Variants in CDH18 observed in about 807,000 individuals in gnomAD.
The protein encoded by CDH18 is cadherin-18.
In CDH18, 31 loss-of-function variants were observed where a neutral mutation model predicts 67.9. The ratio of observed to expected loss-of-function variants is 0.46; its 90% confidence interval spans 0.34 to 0.62. The LOEUF (loss-of-function observed/expected upper bound fraction) is 0.62, where lower values mean the gene tolerates loss of function less well. Ranked by LOEUF, CDH18 falls within the 20% of genes least tolerant of loss-of-function variation. The pLI, the probability that CDH18 is intolerant of heterozygous loss-of-function variation, is 0.01. For synonymous variants in CDH18, 362 were observed against 347.2 expected, an observed-to-expected ratio of 1.04 and a Z score of -0.48; for missense variants, 890 against 975.5, an observed-to-expected ratio of 0.91 and a Z score of 1.17.
chr5:20,280,561 T>G (rs901195107), intron 1 of CDH18, among the ~76,000 whole-genome samples: 3 of 152,250 alleles, frequency 2.0e-5, no homozygotes, highest in African/African-American at 2.4e-5. Flanking sequence ...GGCTGCATAG[T>G]ATTCCATGGT....
In CDH18 at chr5:19,483,536, A is replaced by G. The variant is rs375149904; in HGVS notation, c.1647T>C (p.Ile549=). 9 of 1,611,976 alleles carry G rather than the reference A, an allele frequency of 5.6e-6. No individual in the cohort carries two copies. The African/African-American group carries it at 1.1e-4, about 19-fold the overall frequency. Residue 549 remains isoleucine, a synonymous_variant, in exon 12 of 13, where the codon ATT becomes ATC. Coordinates refer to ENST00000382275, the MANE Select transcript of CDH18 (RefSeq NM_004934.5). ...GACTAAATCTCCTCCGCCTTGTCAGAATGCTGGCTGTGTTATCTATGATAG... is the reference window on the plus strand; with the variant it reads ...GACTAAATCTCCTCCGCCTTGTCAGGATGCTGGCTGTGTTATCTATGATAG... ...LKDNEDNTAS[I]LTRRRRFSRT... is the part of the protein sequence containing the mutation.
intron 2 of CDH18, among the ~76,000 whole-genome samples, chr5:19,997,221 T>C (rs1340870819): frequency 6.6e-6 from 1 of 152,070 alleles, no homozygotes; most frequent in East Asian, 1.9e-4. Flanking sequence ...AAAAAGCAAG[T>C]ATCTCTCTAG....
chr5:20,319,525 A>G (rs1254136762), intron 1 of CDH18, among the ~76,000 whole-genome samples: 1 of 152,086 alleles, frequency 6.6e-6, no homozygotes, highest in Non-Finnish European at 1.5e-5. Context: ...ACGTTTTCAT[A>G]TTTTCCTGTG....
At chr5:19,558,770 A>T (rs993190172) in intron 8 of CDH18, among the ~76,000 whole-genome samples, 1 of 151,982 alleles carries the variant, frequency 6.6e-6, no homozygotes, top group Non-Finnish European at 1.5e-5. Context: ...AAGACAGAGA[A>T]GGAGAAAATC....
chr5:19,527,983 C>T (rs960049322), intron 9 of CDH18, among the ~76,000 whole-genome samples: 6 of 151,480 alleles, frequency 4.0e-5, no homozygotes, highest in Admixed American at 3.3e-4. Context: ...CACTTTGTTC[C>T]GTTAACCAGA....
intron 2 of CDH18, among the ~76,000 whole-genome samples, chr5:19,939,091 T>C (rs943066739): frequency 1.3e-5 from 2 of 151,280 alleles, no homozygotes; most frequent in African/African-American, 4.8e-5. Flanking sequence ...ATTTAGAGGA[T>C]AGAACTAATA....
rs1465744402 is a variant in CDH18 at position 20,214,175 on chromosome 5, C to T, written c.-518+41269G>A. Among the ~76,000 whole-genome samples the T allele has an allele frequency of 2.6e-5, 4 of 151,778 alleles. No individual in the cohort carries two copies. In the East Asian group the frequency reaches 7.7e-4, roughly 29 times the overall value. ...ACAAGGGGAACTACAAAACACTGCTCAATGAAATTAGAGATGATACAAATA... is the reference window on the plus strand; with the variant it reads ...ACAAGGGGAACTACAAAACACTGCTTAATGAAATTAGAGATGATACAAATA... On this transcript the variant is annotated intron_variant, in intron 2 of 14. Coordinates refer to the CDH18 transcript ENST00000507958.
At chr5:20,406,572 A>G (rs1486543212) in intron 1 of CDH18, among the ~76,000 whole-genome samples, 1 of 108,732 alleles carries the variant, frequency 9.2e-6, no homozygotes, top group Non-Finnish European at 2.2e-5. Context: ...AACTTAAAGT[A>G]TAATAAAAAA....
At chr5:19,478,043 A>G (rs776534712) in intron 12 of CDH18, among the ~76,000 whole-genome samples, 6 of 152,244 alleles carry the variant, frequency 3.9e-5, no homozygotes, top group Middle Eastern at 3.4e-3. Context: ...AATTAGAATA[A>G]ATTTGTGGAG....
chr5:20,188,305 A>G (rs897734931), intron 2 of CDH18, among the ~76,000 whole-genome samples: 4 of 152,000 alleles, frequency 2.6e-5, no homozygotes, highest in African/African-American at 9.7e-5. Flanking sequence ...TTCAAATCCA[A>G]TCAGCCAAAT....
In CDH18 at chr5:20,305,498, G is replaced by A. The variant is rs1466548205; in HGVS notation, c.-579-49993C>T. 28 of 1,146,186 alleles carry A rather than the reference G, an allele frequency of 2.4e-5. No homozygotes were observed. The Admixed American group carries it at 3.2e-4, about 13-fold the overall frequency. 71.0% of individuals were successfully genotyped at this position (1,146,186 alleles called of 1,614,324 possible). ...CCGCTGCACTCGCTGGGTCTTGGGT[G>A]CCGCGAAACCCGGGGCGCAGCGGCG... On this transcript the variant is annotated intron_variant, in intron 1 of 14. Coordinates refer to the CDH18 transcript ENST00000507958.
chr5:19,580,142 G>A (rs1246197844), intron 7 of CDH18, among the ~76,000 whole-genome samples: 2 of 151,764 alleles, frequency 1.3e-5, no homozygotes, highest in East Asian at 1.9e-4. Context: ...ATATTGTAAT[G>A]TTCAAAGTTT....
At chr5:19,883,856 T>C (rs1787919503) in intron 2 of CDH18, among the ~76,000 whole-genome samples, 1 of 152,180 alleles carries the variant, frequency 6.6e-6, no homozygotes, top group South Asian at 2.1e-4. Flanking sequence ...ATTAAAATAA[T>C]ACTTTTGCTT....
chr5:20,088,261 T>C (rs1745140205), intron 2 of CDH18, among the ~76,000 whole-genome samples: 1 of 152,192 alleles, frequency 6.6e-6, no homozygotes, highest in Non-Finnish European at 1.5e-5. Context: ...AACTATTCTC[T>C]AACATGCGTA....
At chr5:19,648,818 T>C (rs1240410042) in intron 5 of CDH18, among the ~76,000 whole-genome samples, 2 of 151,286 alleles carry the variant, frequency 1.3e-5, no homozygotes, top group Non-Finnish European at 3.0e-5. Context: ...CATTAAATTT[T>C]GTATATGGAG....
Position 19,747,293 on chromosome 5 carries a change from G to T in CDH18, c.229-57C>A, listed in dbSNP as rs142129851. 2,094 of 1,426,068 alleles carry T rather than the reference G, an allele frequency of 1.5e-3. 4 individuals are homozygous for T. The highest frequency in any genetic ancestry group is 6.0e-3 in the East Asian group (260 of 43,574). The allele number at this position is 1,426,068 out of a possible 1,614,324, so 88.3% of individuals were successfully genotyped here. A position where few individuals can be genotyped will look rare whatever the true frequency, so the allele number is the denominator to read the frequency against. On this transcript the variant is annotated intron_variant, in intron 3 of 12. Coordinates refer to ENST00000382275, the MANE Select transcript of CDH18 (RefSeq NM_004934.5). ...TATTTATATTCCAACCTCACATTAT[G>T]TTCTCTGAAAACTCCCTATCTATAA...
At chr5:20,447,895 T>C (rs1750126206) in intron 1 of CDH18, among the ~76,000 whole-genome samples, 1 of 151,770 alleles carries the variant, frequency 6.6e-6, no homozygotes. Context: ...TTTTATTTTA[T>C]TTTTTTTAAT....
At chr5:20,187,668 A>G (rs575573526) in intron 2 of CDH18, among the ~76,000 whole-genome samples, 2 of 152,000 alleles carry the variant, frequency 1.3e-5, no homozygotes, top group Non-Finnish European at 2.9e-5. Flanking sequence ...AATGTTATAT[A>G]ATTTGTTATA....
chr5:20,165,587 A>G (rs1335215730), intron 2 of CDH18, among the ~76,000 whole-genome samples: 1 of 152,100 alleles, frequency 6.6e-6, no homozygotes, highest in Non-Finnish European at 1.5e-5. Context: ...ATCCCCCTTT[A>G]TTTAAATTCA....
Sources: allele counts gnomAD v4.1 joint callset (sites outside exome capture counted in the v4.1 genomes callset), GRCh38; gene constraint gnomAD v4.1.1; transcripts MANE v1.5; gene names NCBI Gene and HGNC (gene_info 2026-07-23, HGNC 2026-07-21).